Variants in HSD17B3 observed in about 807,000 individuals in gnomAD.
HSD17B3 encodes the protein hydroxysteroid 17-beta dehydrogenase 3, also known as 17-beta-hydroxysteroid dehydrogenase type 3.
HSD17B3 carries 29 observed loss-of-function variants against 41.1 expected under a neutral mutation model. The observed-to-expected ratio is 0.71, with a 90% CI of 0.53 to 0.96. The LOEUF (loss-of-function observed/expected upper bound fraction) is 0.96. HSD17B3 is among the 40% of genes least tolerant of loss of function. HSD17B3 has a pLI of 0.00. For synonymous variants in HSD17B3, 126 were observed against 145.6 expected (o/e 0.87, Z 0.97); for missense variants, 323 against 374.6 (o/e 0.86, Z 1.14).
intron 2 of HSD17B3, among the ~76,000 whole-genome samples, chr9:96,276,107 TAAAAAAAAAA>T (rs57386167): frequency 7.3e-5 from 3 of 41,152 alleles, no homozygotes; most frequent in African/African-American, 9.9e-5. Context: ...TCCTGTCTCA[TAAAAAAAAAA>T]AAAAAAAAAA....
At chr9:96,246,358 A>T (rs1836661583) in intron 7 of HSD17B3, 198 bp downstream of exon 7, 1 of 650,346 alleles carries the variant, frequency 1.5e-6, no homozygotes, top group Non-Finnish European at 2.8e-6. Flanking sequence ...TGACCTTCAC[A>T]TGAGCTTGTC....
intron 2 of HSD17B3, among the ~76,000 whole-genome samples, chr9:96,262,329 C>T (rs1453035130): frequency 3.4e-5 from 5 of 148,522 alleles, no homozygotes; most frequent in African/African-American, 7.5e-5. Context: ...CTGCAAACTC[C>T]GCCTCCCCAG....
At chr9:96,275,280 T>G (rs1203707691) in intron 2 of HSD17B3, among the ~76,000 whole-genome samples, 1 of 152,046 alleles carries the variant, frequency 6.6e-6, no homozygotes, top group African/African-American at 2.4e-5. Flanking sequence ...ACAAATCATA[T>G]GAAAGCATTA....
In HSD17B3 at chr9:96,244,190, T is replaced by C. The variant is rs1319952245; in HGVS notation, c.672+139A>G. On this transcript the variant is annotated intron_variant, in intron 9 of 10. Coordinates refer to ENST00000375263, the MANE Select transcript of HSD17B3 (RefSeq NM_000197.2). Reference sequence around the variant, plus strand: ...ACGTGGCATCCCCAGCTCATCTTCCTGTTGACCACACATGAGCAGCCAGAC... The same window carrying C: ...ACGTGGCATCCCCAGCTCATCTTCCCGTTGACCACACATGAGCAGCCAGAC... 13 of 871,606 alleles carry C rather than the reference T, an allele frequency of 1.5e-5. No homozygotes were observed. In the East Asian group the frequency reaches 2.6e-4, roughly 18 times the overall value. The allele number at this position is 871,606 out of a possible 1,614,324, so 54.0% of individuals were successfully genotyped here.
At chr9:96,278,493 T>C (rs1335193729) in intron 2 of HSD17B3, among the ~76,000 whole-genome samples, 1 of 152,162 alleles carries the variant, frequency 6.6e-6, no homozygotes, top group Non-Finnish European at 1.5e-5. Context: ...AAAAATTAGA[T>C]GGCAGTGCTC....
At position 96,294,959 on chromosome 9, in the gene HSD17B3, A is replaced by AATC. The variant is rs1827289169; in HGVS notation, c.201+3454_201+3456dup. On this transcript the variant is annotated intron_variant, in intron 2 of 10. Transcript: ENST00000375263. ...TGAGATAGAAGGGTCAGTGTCAAAAAATCATCAGCAGCAGATGAAGGACGG... is the reference window on the plus strand; with the variant it reads ...TGAGATAGAAGGGTCAGTGTCAAAAAATCATCATCAGCAGCAGATGAAGGACGG... Among the ~76,000 whole-genome samples, 11 of 152,188 alleles carry AATC rather than the reference A, an allele frequency of 7.2e-5. No individual in the cohort carries two copies. The South Asian group carries it at 2.3e-3, about 32-fold the overall frequency.
chr9:96,272,427 A>ATC (rs1396385491), intron 2 of HSD17B3, among the ~76,000 whole-genome samples: 3 of 58,006 alleles, frequency 5.2e-5, no homozygotes, highest in African/African-American at 1.8e-4. Context: ...ATATATATAT[A>ATC]TATATATATA....
In HSD17B3 at chr9:96,290,456, C is replaced by CCTTTT. The variant is rs747479797; in HGVS notation, c.201+7959_201+7960insAAAAG. 4.3e-4 allele frequency among the ~76,000 whole-genome samples: 34 copies of CCTTTT among 78,428 alleles called. 4 individuals are homozygous for CCTTTT. Among genetic ancestry groups the CCTTTT allele is most frequent in the African/African-American group, 3.9e-4 (7 of 17,950 alleles). 51.5% of individuals were successfully genotyped at this position (78,428 alleles called of 152,430 possible). ...GAAGGGCACTGTGGTATTTCCTGGG[C>CCTTTT]TTTTTTTTTTTTTTTTTTTTTTTCC... On this transcript the variant is annotated intron_variant, in intron 2 of 10. Coordinates refer to ENST00000375263, the MANE Select transcript of HSD17B3 (RefSeq NM_000197.2).
chr9:96,250,216 G>C (rs912463), intron 5 of HSD17B3: 946,873 of 1,118,210 alleles, frequency 0.85, 401,851 homozygotes, highest in African/African-American at 0.97. Context: ...CCACTAGAAT[G>C]ACCAAAGATA....
chr9:96,249,930 C>T, intron 5 of HSD17B3, 144 bp from the exon 6 acceptor site: 3 of 1,548,638 alleles, frequency 1.9e-6, no homozygotes, highest in Non-Finnish European at 2.6e-6. Flanking sequence ...AGGCTCATAA[C>T]TGCCTTCCAG....
intron 2 of HSD17B3, among the ~76,000 whole-genome samples, chr9:96,263,999 C>T (rs1825955889): frequency 6.6e-6 from 1 of 151,988 alleles, no homozygotes; most frequent in Non-Finnish European, 1.5e-5. Context: ...TAAGTGATCT[C>T]AGCACAAAAA....
At chr9:96,271,443 TG>T (rs1826242725) in intron 2 of HSD17B3, among the ~76,000 whole-genome samples, 2 of 152,228 alleles carry the variant, frequency 1.3e-5, no homozygotes, top group South Asian at 4.1e-4. Flanking sequence ...TCCTTCTTCC[TG>T]GGTACATGAC....
chr9:96,243,503 A>G (rs889816335), intron 9 of HSD17B3, among the ~76,000 whole-genome samples: 1 of 152,252 alleles, frequency 6.6e-6, no homozygotes, highest in South Asian at 2.1e-4. Context: ...GGATATTTTA[A>G]TTGAAAATCA....
intron 2 of HSD17B3, among the ~76,000 whole-genome samples, chr9:96,289,705 G>C (rs1251479322): frequency 1.3e-5 from 2 of 152,182 alleles, no homozygotes; most frequent in African/African-American, 4.8e-5. Flanking sequence ...GGGCCAAGAG[G>C]GGGGCGCCCG....
At chr9:96,286,760 C>T (rs980886363) in intron 2 of HSD17B3, among the ~76,000 whole-genome samples, 2 of 151,824 alleles carry the variant, frequency 1.3e-5, no homozygotes, top group African/African-American at 4.8e-5. Context: ...CACTGCTACA[C>T]CCCCACCAGC....
intron 7 of HSD17B3, among the ~76,000 whole-genome samples, chr9:96,245,761 A>C (rs1440655976): frequency 6.6e-6 from 1 of 152,198 alleles, no homozygotes. Context: ...CTCAGGATTT[A>C]AGGGGAGAGA....
chr9:96,237,173 TGCCATAGTGAGGTCA>T (rs1836267734), intron 10 of HSD17B3, among the ~76,000 whole-genome samples: 1 of 152,216 alleles, frequency 6.6e-6, no homozygotes, highest in Admixed American at 6.5e-5. Context: ...CTAAATGTTT[TGCCATAGTGAGGTCA>T]GCCATAAAGA....
chr9:96,264,248 C>T (rs539327125), intron 2 of HSD17B3, among the ~76,000 whole-genome samples: 132 of 151,488 alleles, frequency 8.7e-4, no homozygotes, highest in African/African-American at 3.0e-3. Flanking sequence ...AAACAATAAA[C>T]ATTTTCTAAA....
intron 2 of HSD17B3, among the ~76,000 whole-genome samples, chr9:96,260,707 G>A (rs1056399049): frequency 6.6e-6 from 1 of 152,184 alleles, no homozygotes; most frequent in African/African-American, 2.4e-5. Context: ...GGAGGTTGTA[G>A]TGAGCCGAGA....
Sources: gnomAD v4.1 joint callset for allele counts (sites outside exome capture counted in the v4.1 genomes callset) on GRCh38, gnomAD v4.1.1 for gene constraint, MANE v1.5 for transcripts, NCBI Gene and HGNC (gene_info 2026-07-23, HGNC 2026-07-21) for gene names.